The following ANK3 variants were observed in gnomAD, a reference collection of about 807,000 sequenced individuals.
ANK3 encodes ankyrin-3.
ANK3 carries 57 observed loss-of-function variants against 370.9 expected under a neutral mutation model. The observed-to-expected ratio is 0.15, with a 90% CI of 0.12 to 0.19. The LOEUF (loss-of-function observed/expected upper bound fraction) is 0.19, where lower values mean the gene tolerates loss of function less well. Among genes scored for constraint, ANK3 ranks in the 10% least tolerant of loss-of-function variants. The pLI is 1.00. For synonymous variants in ANK3, 1,929 were observed against 1,946.3 expected, an observed-to-expected ratio of 0.99 and a Z score of 0.23; for missense variants, 4,439 against 5,302.1, an observed-to-expected ratio of 0.84 and a Z score of 5.06.
At chr10:60,721,115 A>G (rs893510991) in intron 1 of ANK3, among the ~76,000 whole-genome samples, 7 of 152,236 alleles carry the variant, frequency 4.6e-5, no homozygotes, top group African/African-American at 1.4e-4. Context: ...TAGGGAAGAA[A>G]CAGTAATTAA....
intron 25 of ANK3, among the ~76,000 whole-genome samples, chr10:60,131,027 T>C (rs1048539827): frequency 1.3e-5 from 2 of 152,244 alleles, no homozygotes; most frequent in African/African-American, 4.8e-5. Flanking sequence ...GCATTTTGGC[T>C]GAACTATTTG....
At chr10:60,218,473 C>T (rs1207980490) in intron 8 of ANK3, among the ~76,000 whole-genome samples, 3 of 152,096 alleles carry the variant, frequency 2.0e-5, no homozygotes, top group African/African-American at 7.2e-5. Context: ...GTAAGGCAGG[C>T]CTGGTGGTAA....
intron 2 of ANK3, among the ~76,000 whole-genome samples, chr10:60,512,584 T>C (rs2076114988): frequency 6.6e-6 from 1 of 152,116 alleles, no homozygotes; most frequent in South Asian, 2.1e-4. Context: ...TTGCTGCTGG[T>C]CCAGGATGCT....
intron 2 of ANK3, among the ~76,000 whole-genome samples, chr10:60,595,079 G>A (rs2077968448): frequency 6.6e-6 from 1 of 152,086 alleles, no homozygotes; most frequent in South Asian, 2.1e-4. Flanking sequence ...CACAGAACCT[G>A]TCAACTCAAA....
intron 23 of ANK3, among the ~76,000 whole-genome samples, chr10:60,156,630 A>C (rs570994557): frequency 6.6e-6 from 1 of 152,086 alleles, no homozygotes; most frequent in Non-Finnish European, 1.5e-5. Flanking sequence ...GAGACTTTTT[A>C]CCTGGTAACC....
At chr10:60,146,699 G>A (rs2094843304) in intron 23 of ANK3, among the ~76,000 whole-genome samples, 1 of 152,148 alleles carries the variant, frequency 6.6e-6, no homozygotes, top group African/African-American at 2.4e-5. Context: ...ATATTGGCCA[G>A]GCTGGTGTTG....
At chr10:60,487,083 G>A (rs1383727540) in intron 2 of ANK3, among the ~76,000 whole-genome samples, 2 of 151,946 alleles carry the variant, frequency 1.3e-5, no homozygotes, top group Non-Finnish European at 2.9e-5. Flanking sequence ...GCAATTAAAG[G>A]AAAAAAGAAA....
At chr10:60,693,936 C>A (rs556638168) in intron 1 of ANK3, among the ~76,000 whole-genome samples, 1 of 151,516 alleles carries the variant, frequency 6.6e-6, no homozygotes, top group African/African-American at 2.4e-5. Context: ...AGGCTTCAGA[C>A]GATCAAATTA....
chr10:60,363,202 TG>T (rs2132746477), intron 1 of ANK3, among the ~76,000 whole-genome samples: 1 of 152,290 alleles, frequency 6.6e-6, no homozygotes. Flanking sequence ...ACTGAATAGC[TG>T]GCCCTGTCGT....
chr10:60,287,099 T>G (rs1593084710), intron 1 of ANK3, among the ~76,000 whole-genome samples: 1 of 152,154 alleles, frequency 6.6e-6, no homozygotes, highest in Non-Finnish European at 1.5e-5. Flanking sequence ...CAGGTTAATG[T>G]GGGGTCTCTT....
At chr10:60,338,697 T>C (rs1038055258) in intron 1 of ANK3, among the ~76,000 whole-genome samples, 1 of 152,104 alleles carries the variant, frequency 6.6e-6, no homozygotes, top group African/African-American at 2.4e-5. Context: ...GGGCTGAAAG[T>C]TCTCCCCTTT....
intron 2 of ANK3, among the ~76,000 whole-genome samples, chr10:60,553,534 G>C (rs1461992959): frequency 6.6e-6 from 1 of 152,076 alleles, no homozygotes; most frequent in Non-Finnish European, 1.5e-5. Context: ...CACCTGAGCT[G>C]CTCAGGTGTT....
chr10:60,148,095 G>C (rs1214352419), intron 23 of ANK3, among the ~76,000 whole-genome samples: 2 of 152,164 alleles, frequency 1.3e-5, no homozygotes, highest in East Asian at 1.9e-4. Context: ...CCTTTCCCTA[G>C]TTCTAGGTGC....
chr10:60,404,213 G>GGT lies in ANK3; in HGVS notation c.97-124575_97-124574insAC, dbSNP rs1555368369. On this transcript the variant is annotated intron_variant, in intron 2 of 43. Coordinates refer to the ANK3 transcript ENST00000373827. ...ACATGATCCAATCATAACACCACAA[G>GGT]TTTTTTTTTAAAAAAATAGACAAAC... is the stretch of plus-strand genomic sequence containing the variant. 1.2e-3 allele frequency among the ~76,000 whole-genome samples: 20 copies of GGT among 16,550 alleles called. No homozygotes were observed. The South Asian group carries it at 0.018, about 15-fold the overall frequency. The allele number at this position is 16,550 out of a possible 152,430, so 10.9% of individuals were successfully genotyped here. A position where few individuals can be genotyped will look rare whatever the true frequency, so the allele number is the denominator to read the frequency against.
chr10:60,360,298 A>T (rs936976875), intron 1 of ANK3, among the ~76,000 whole-genome samples: 1 of 152,246 alleles, frequency 6.6e-6, no homozygotes, highest in Non-Finnish European at 1.5e-5. Context: ...CAGGGAGCTA[A>T]AAGAATAAGA....
At chr10:60,037,156 T>TC (rs2075196334) in intron 43 of ANK3, among the ~76,000 whole-genome samples, 3 of 152,310 alleles carry the variant, frequency 2.0e-5, no homozygotes, top group African/African-American at 7.2e-5. Flanking sequence ...AAGCCACCAT[T>TC]ATGGCTTAGT....
At chr10:60,043,182 G>C in intron 42 of ANK3, 1 of 988,150 alleles carries the variant, frequency 1.0e-6, no homozygotes, top group Non-Finnish European at 1.2e-6. Flanking sequence ...TAAGTTAGTG[G>C]AATTGCCAAT....
chr10:60,521,763 T>G (rs983850892), intron 2 of ANK3, among the ~76,000 whole-genome samples: 1 of 152,108 alleles, frequency 6.6e-6, no homozygotes, highest in Non-Finnish European at 1.5e-5. Context: ...ATCAAAGTTG[T>G]GAAAAGGGTT....
chr10:60,227,876 T>C (rs1367181678), intron 8 of ANK3, among the ~76,000 whole-genome samples: 3 of 152,210 alleles, frequency 2.0e-5, no homozygotes, highest in South Asian at 2.1e-4. Context: ...GGTTTGTTTC[T>C]ATTATCTAAC....
Sources: allele counts gnomAD v4.1 joint callset (sites outside exome capture counted in the v4.1 genomes callset), GRCh38; gene constraint gnomAD v4.1.1; transcripts MANE v1.5; gene names NCBI Gene and HGNC (gene_info 2026-07-23, HGNC 2026-07-21).